KANK1: variants seen among roughly 807,000 people sequenced by gnomAD.
KANK1 encodes KN motif and ankyrin repeat domain-containing protein 1.
A neutral mutation model predicts 106.2 loss-of-function variants in KANK1; 109 were observed. That is an observed-to-expected ratio of 1.03 (90% confidence interval 0.88 to 1.20). KANK1 has a LOEUF of 1.20. Among genes scored for constraint, KANK1 ranks in the 50% most tolerant of loss-of-function variants. KANK1 has a pLI of 0.00. For missense variants in KANK1, 2,399 were observed against 1,710.7 expected (o/e 1.40, Z -7.10); for synonymous variants, 873 against 652.2 (o/e 1.34, Z -5.16).
chr9:606,762 A>C (rs1269654537), intron 1 of KANK1, among the ~76,000 whole-genome samples: 2 of 151,522 alleles, frequency 1.3e-5, no homozygotes, highest in Non-Finnish European at 2.9e-5. Flanking sequence ...GTTTGTGGAG[A>C]GGACTGAAAC....
chr9:616,281 T>G (rs1218884571), intron 1 of KANK1, among the ~76,000 whole-genome samples: 1 of 152,194 alleles, frequency 6.6e-6, no homozygotes, highest in Non-Finnish European at 1.5e-5. Flanking sequence ...GTCACTTCAG[T>G]GAGTCCTCAG....
chr9:738,691 G>A (rs1564126864), intron 8 of KANK1, among the ~76,000 whole-genome samples, 187 bp downstream of exon 8: 1 of 152,214 alleles, frequency 6.6e-6, no homozygotes, highest in African/African-American at 2.4e-5. Context: ...AAACAAAACT[G>A]GGTGACACAG....
At chr9:583,127 G>C (rs1822584872) in intron 1 of KANK1, among the ~76,000 whole-genome samples, 1 of 152,154 alleles carries the variant, frequency 6.6e-6, no homozygotes, top group South Asian at 2.1e-4. Flanking sequence ...AATGGGAGTA[G>C]TCCCTGGGAT....
chr9:612,462 GT>G (rs58731992), intron 1 of KANK1, among the ~76,000 whole-genome samples: 1 of 152,056 alleles, frequency 6.6e-6, no homozygotes, highest in Non-Finnish European at 1.5e-5. Flanking sequence ...CATTATCGGT[GT>G]TTTTTTGAAG....
chr9:744,484 T>G lies in KANK1; in HGVS notation c.3898-7T>G. On this transcript the variant is annotated splice_region_variant and splice_polypyrimidine_tract_variant and intron_variant, in intron 10 of 11. Coordinates refer to ENST00000382297, the MANE Select transcript of KANK1 (RefSeq NM_015158.5). ...AACATGGCTTGTTCTTTCCATCTTA[T>G]CTTAAGGATGGCAGCACTGCGCTCT... The G allele has an allele frequency of 6.2e-7, 1 of 1,611,048 alleles. No homozygotes were observed. The highest frequency in any genetic ancestry group is 2.2e-5 in the East Asian group (1 of 44,780).
At chr9:614,132 C>A (rs544805443) in intron 1 of KANK1, among the ~76,000 whole-genome samples, 1 of 152,180 alleles carries the variant, frequency 6.6e-6, no homozygotes, top group Non-Finnish European at 1.5e-5. Flanking sequence ...GTCCTTGCTT[C>A]TTTGTTTCTG....
rs1825836006 is a variant in KANK1 at position 710,826 on chromosome 9, T to C, written c.60T>C (p.Ser20=). The change falls in exon 3 of 12, where the codon AGT becomes AGC. Residue 20 remains serine, a synonymous_variant. Transcript: ENST00000382297. The part of the protein sequence containing the change: ...SASGKAGDIL[S]GDQDKEQKDP... ...TAGGAAAAGCAGGTGATATTCTCAG[T>C]GGAGACCAGGACAAGGAACAGAAAG... 6.2e-7 allele frequency: 1 copy of C among 1,602,964 alleles called. No individual in the cohort carries two copies. The highest frequency in any genetic ancestry group is 1.1e-5 in the South Asian group (1 of 88,976).
At chr9:482,007 G>A (rs1312462063) in intron 3 of KANK1, among the ~76,000 whole-genome samples, 2 of 152,112 alleles carry the variant, frequency 1.3e-5, no homozygotes, top group African/African-American at 2.4e-5. Flanking sequence ...CCTAAAATTG[G>A]CTTCCTGTCA....
intron 1 of KANK1, among the ~76,000 whole-genome samples, chr9:533,539 C>T (rs1265870230): frequency 6.6e-6 from 1 of 152,222 alleles, no homozygotes; most frequent in African/African-American, 2.4e-5. Context: ...TCCTCCAAAA[C>T]ACTCTTAGAC....
At chr9:643,453 C>A (rs16921615) in intron 1 of KANK1, among the ~76,000 whole-genome samples, 2 of 150,056 alleles carry the variant, frequency 1.3e-5, no homozygotes, top group African/African-American at 5.0e-5. Flanking sequence ...AATTTTGGTC[C>A]AAGCTCTAGG....
intron 3 of KANK1, chr9:495,147 C>T (rs768755514): frequency 1.2e-4 from 19 of 152,162 alleles, no homozygotes; most frequent in Non-Finnish European, 2.1e-4. Context: ...ATTGCCTTGG[C>T]TCCAAGTATC....
At chr9:652,895 G>GT (rs1443298308) in intron 1 of KANK1, among the ~76,000 whole-genome samples, 1 of 152,180 alleles carries the variant, frequency 6.6e-6, no homozygotes, top group African/African-American at 2.4e-5. Flanking sequence ...TGGGGAAAAA[G>GT]TAGCCACCCT....
At chr9:664,117 C>T (rs1041245738) in intron 1 of KANK1, among the ~76,000 whole-genome samples, 60 of 152,238 alleles carry the variant, frequency 3.9e-4, no homozygotes, top group Non-Finnish European at 7.2e-4. Context: ...GAGATCTTTA[C>T]ACTTGATTAA....
At chr9:491,487 T>G (rs1032073897) in intron 3 of KANK1, among the ~76,000 whole-genome samples, 1 of 151,858 alleles carries the variant, frequency 6.6e-6, no homozygotes, top group Non-Finnish European at 1.5e-5. Flanking sequence ...CAGGATGCTC[T>G]CAATGTCTTG....
chr9:566,348 A>C (rs1563779515), intron 1 of KANK1, among the ~76,000 whole-genome samples: 1 of 152,114 alleles, frequency 6.6e-6, no homozygotes, highest in Non-Finnish European at 1.5e-5. Flanking sequence ...TGATAGAATG[A>C]TTTATATTTC....
intron 3 of KANK1, among the ~76,000 whole-genome samples, chr9:719,284 AAAAC>A (rs763086534): frequency 6.6e-6 from 1 of 152,144 alleles, no homozygotes; most frequent in East Asian, 1.9e-4. Context: ...CTTTTTCTTA[AAAAC>A]AAACATTATT....
intron 3 of KANK1, among the ~76,000 whole-genome samples, chr9:486,127 A>G (rs1423232706): frequency 6.6e-6 from 1 of 152,148 alleles, no homozygotes; most frequent in Non-Finnish European, 1.5e-5. Context: ...TGGAACCTTT[A>G]TTAATTGAAT....
intron 1 of KANK1, chr9:549,409 A>G (rs1050784604): frequency 6.6e-6 from 1 of 152,304 alleles, no homozygotes; most frequent in African/African-American, 2.4e-5. Context: ...AGAATTGCCA[A>G]GGATTGGTTC....
chr9:655,317 G>C (rs1172269811), intron 1 of KANK1, among the ~76,000 whole-genome samples: 3 of 151,310 alleles, frequency 2.0e-5, no homozygotes, highest in African/African-American at 7.3e-5. Context: ...GTTGCGGTGA[G>C]TGGAGATCAC....
Sources: allele counts gnomAD v4.1 joint callset (sites outside exome capture counted in the v4.1 genomes callset), GRCh38; gene constraint gnomAD v4.1.1; transcripts MANE v1.5; gene names NCBI Gene and HGNC (gene_info 2026-07-23, HGNC 2026-07-21).